The following DKK3 variants were observed in gnomAD, a reference collection of about 807,000 sequenced individuals.
The protein encoded by DKK3 is dickkopf Wnt signaling pathway inhibitor 3, also known as dickkopf-related protein 3.
Under a neutral mutation model 33.2 loss-of-function variants are expected in DKK3, and 22 were observed. That is an observed-to-expected ratio of 0.66 (90% CI 0.47 to 0.95). The LOEUF is 0.95. Ranked by LOEUF, DKK3 falls within the 40% of genes least tolerant of loss-of-function variation. The pLI is 0.00. For synonymous variants in DKK3, 194 were observed against 188.8 expected (o/e 1.03, Z -0.23); for missense variants, 398 against 458.4 (o/e 0.87, Z 1.20).
At position 11,998,580 on chromosome 11, in the gene DKK3, G is replaced by T. The variant is rs545248889; in HGVS notation, c.435+116C>A. On this transcript the variant is annotated intron_variant, in intron 3 of 6. Coordinates refer to ENST00000683431, the MANE Select transcript of DKK3 (RefSeq NM_001018057.2). ...AATTGAGGAATCTCGGTAGAAATGAGTCAGGAGACTCCACTCCCTCCTGCC... is the reference window on the plus strand; with the variant it reads ...AATTGAGGAATCTCGGTAGAAATGATTCAGGAGACTCCACTCCCTCCTGCC... The T allele has an allele frequency of 1.3e-4, 110 of 879,872 alleles. No homozygotes were observed. The East Asian group carries it at 2.7e-3, about 22-fold the overall frequency. The allele number at this position is 879,872 out of a possible 1,614,324, so 54.5% of individuals were successfully genotyped here. A position where few individuals can be genotyped will look rare whatever the true frequency, so the allele number is the denominator to read the frequency against.
chr11:12,000,395 C>T (rs766196663), intron 2 of DKK3, among the ~76,000 whole-genome samples: 8 of 152,158 alleles, frequency 5.3e-5, no homozygotes, highest in South Asian at 2.1e-4. Context: ...TTAGTAGAGA[C>T]GGGGTTTCGC....
intron 3 of DKK3, among the ~76,000 whole-genome samples, chr11:11,984,315 A>C (rs577526972): frequency 6.6e-6 from 1 of 152,360 alleles, no homozygotes; most frequent in South Asian, 2.1e-4. Context: ...AGCAAGACCT[A>C]TCGGCAACTC....
chr11:11,989,320 A>C (rs894549294), intron 3 of DKK3, among the ~76,000 whole-genome samples: 1 of 152,246 alleles, frequency 6.6e-6, no homozygotes. Context: ...CCAAGGGTGC[A>C]TTGACAAATG....
rs1202891965 is a variant in DKK3 at position 11,968,482 on chromosome 11, G to T, written c.441C>A (p.Cys147Ter). The part of the protein sequence containing the change: ...GDEEGRRSHE[C>*]IIDEDCGPSM... ...TGGGCCCACAGTCCTCGTCGATGAT[G>T]CACTCCTGGGGAAGGGCACAGGGAG... The change falls in exon 4 of 7, where the codon TGC (cysteine) becomes TGA (stop). Residue 147 changes from cysteine to a stop codon, truncating the protein, a stop_gained. Coordinates refer to ENST00000683431, the MANE Select transcript of DKK3 (RefSeq NM_001018057.2). LOFTEE classifies it high-confidence loss of function. 1 of 1,612,878 alleles carries T rather than the reference G, an allele frequency of 6.2e-7. No homozygotes were observed. The highest frequency in any genetic ancestry group is 8.5e-7 in the Non-Finnish European group (1 of 1,179,466).
Position 12,008,329 on chromosome 11 carries a change from C to A in DKK3, c.213+41G>T, listed in dbSNP as rs948584980. 6.3e-6 allele frequency: 10 copies of A among 1,575,166 alleles called. No individual in the cohort carries two copies. Among genetic ancestry groups the A allele is most frequent in the Non-Finnish European group, 8.6e-6 (10 of 1,166,706 alleles). On this transcript the variant is annotated intron_variant, in intron 1 of 6. Transcript: ENST00000683431. The surrounding 1 kb of genome is among the most constrained non-coding windows in gnomAD (Gnocchi z 4.6). ...CTTCCCAGACTTCGCTGCCCCCAGT[C>A]TGGCGCTTCTCAGAGCCCCGCGCCG... is the stretch of plus-strand genomic sequence containing the variant.
intron 3 of DKK3, among the ~76,000 whole-genome samples, chr11:11,987,599 C>G (rs950095328): frequency 1.3e-5 from 2 of 152,232 alleles, no homozygotes; most frequent in African/African-American, 4.8e-5. Flanking sequence ...TTAGTAATGT[C>G]TGCCATGTGC....
chr11:11,981,424 C>G (rs937501777), intron 3 of DKK3, among the ~76,000 whole-genome samples: 4 of 152,178 alleles, frequency 2.6e-5, no homozygotes, highest in African/African-American at 9.7e-5. Flanking sequence ...CCCCATGGTA[C>G]CTGTCCAAGT....
intron 4 of DKK3, among the ~76,000 whole-genome samples, chr11:11,967,367 A>C (rs1209643850): frequency 6.6e-6 from 1 of 152,218 alleles, no homozygotes; most frequent in African/African-American, 2.4e-5. Context: ...AAAGAACAGC[A>C]GGGGGTCTTT....
At chr11:11,985,240 A>G (rs1298934002) in intron 3 of DKK3, among the ~76,000 whole-genome samples, 1 of 152,176 alleles carries the variant, frequency 6.6e-6, no homozygotes, top group Non-Finnish European at 1.5e-5. Flanking sequence ...TTTGTGCTCC[A>G]GCACCAAGGA....
At chr11:12,004,291 A>T (rs1848493702) in intron 1 of DKK3, among the ~76,000 whole-genome samples, 1 of 152,196 alleles carries the variant, frequency 6.6e-6, no homozygotes. Context: ...ATCCCCAGTT[A>T]AGAATCTCCG....
chr11:11,985,101 A>C (rs1848041451), intron 3 of DKK3, among the ~76,000 whole-genome samples: 1 of 152,164 alleles, frequency 6.6e-6, no homozygotes, highest in African/African-American at 2.4e-5. Context: ...TCCAGCTCCA[A>C]GGAGGAGGCC....
intron 3 of DKK3, among the ~76,000 whole-genome samples, chr11:11,992,659 G>T (rs1358886187): frequency 6.6e-6 from 1 of 152,152 alleles, no homozygotes; most frequent in Admixed American, 6.5e-5. Flanking sequence ...CCCTGACAAA[G>T]AAAAGAAGGG....
chr11:12,002,450 T>A lies in DKK3; in HGVS notation c.214-13A>T, dbSNP rs367632572. On this transcript the variant is annotated splice_polypyrimidine_tract_variant and intron_variant, in intron 1 of 6. Coordinates refer to ENST00000683431, the MANE Select transcript of DKK3 (RefSeq NM_001018057.2). ...CTTCTGCCTCCATCTATTAAATCGA[T>A]GAATTTAATGAGCAAAATTATTTTC... 1.3e-4 allele frequency: 201 copies of A among 1,604,262 alleles called. 1 individual carries two copies. The African/African-American group carries it at 2.5e-3, about 20-fold the overall frequency.
chr11:12,008,808 C>T (rs900713806), upstream of DKK3: 397 of 1,180,370 alleles, frequency 3.4e-4, no homozygotes, highest in Admixed American at 2.7e-3. This position sits in a 1 kb window ranked among gnomAD's most constrained non-coding sequence, Gnocchi z 4.6. Context: ...CCAGCCCGAG[C>T]CCCGATCGCC....
At chr11:11,969,507 GTC>G (rs1251014614) in intron 3 of DKK3, among the ~76,000 whole-genome samples, 2 of 152,158 alleles carry the variant, frequency 1.3e-5, no homozygotes, top group Non-Finnish European at 2.9e-5. Flanking sequence ...AGGGTGGAGG[GTC>G]TCTTTCCACC....
chr11:11,976,446 G>A (rs767521250), intron 3 of DKK3, among the ~76,000 whole-genome samples: 57 of 152,382 alleles, frequency 3.7e-4, no homozygotes, highest in Non-Finnish European at 7.3e-4. Flanking sequence ...CAGTAAGCAA[G>A]AGAAGCCCCA....
upstream of DKK3, chr11:12,009,003 C>T: frequency 1.0e-6 from 1 of 994,936 alleles, no homozygotes; most frequent in African/African-American, 1.7e-5. Flanking sequence ...GAGTGCCCGA[C>T]CCCCACTTCC....
intron 3 of DKK3, among the ~76,000 whole-genome samples, chr11:11,997,663 C>G (rs1418526763): frequency 6.6e-6 from 1 of 152,130 alleles, no homozygotes; most frequent in Non-Finnish European, 1.5e-5. Flanking sequence ...TTCCTCCCCC[C>G]ACCCCCAGGC....
At chr11:11,974,313 G>A (rs1024820232) in intron 3 of DKK3, among the ~76,000 whole-genome samples, 2 of 152,338 alleles carry the variant, frequency 1.3e-5, no homozygotes, top group East Asian at 3.9e-4. Context: ...GATCCTCACA[G>A]CCACCCTTTG....
Sources: allele counts gnomAD v4.1 joint callset (sites outside exome capture counted in the v4.1 genomes callset), GRCh38; gene constraint gnomAD v4.1.1; non-coding constraint Gnocchi (gnomAD v3.1); transcripts MANE v1.5; gene names NCBI Gene and HGNC (gene_info 2026-07-23, HGNC 2026-07-21).